The following ZNF395 variants were observed in gnomAD, a reference collection of about 807,000 sequenced individuals.
The protein encoded by ZNF395 is HD gene regulatory region-binding protein 2.
In ZNF395, 20 loss-of-function variants were observed where a neutral mutation model predicts 57.7. That is an observed-to-expected ratio of 0.35 (90% confidence interval 0.24 to 0.50). The LOEUF is 0.50. Among genes scored for constraint, ZNF395 ranks in the 20% least tolerant of loss-of-function variants. The probability of loss-of-function intolerance (pLI) is 0.97; values close to 1 mark genes in which losing one functional copy is unlikely to be tolerated. For missense variants in ZNF395, 606 were observed against 671.2 expected, an observed-to-expected ratio of 0.90 and a Z score of 1.07; for synonymous variants, 295 against 275.9, an observed-to-expected ratio of 1.07 and a Z score of -0.69.
chr8:28,350,193 C>T, intron 7 of ZNF395, 37 bp from the exon 8 acceptor site: 2 of 1,554,326 alleles, frequency 1.3e-6, no homozygotes, highest in East Asian at 2.3e-5. Flanking sequence ...GATTCTAGCT[C>T]AGGAAGTGTT....
At chr8:28,350,025 G>T in intron 8 of ZNF395, 39 bp downstream of exon 8, 1 of 1,527,940 alleles carries the variant, frequency 6.5e-7, no homozygotes. Flanking sequence ...GAGAGCCCTC[G>T]GCCATACGAG....
At position 28,359,316 on chromosome 8, in the gene ZNF395, C is replaced by T. The variant is rs527345329; in HGVS notation, c.473+276G>A. The stretch of plus-strand genomic sequence containing the variant: ...ACTCGGGAGGCTGAAGTGGAAGAAT[C>T]GCGTGAACACAGGAGGCAGAGGTTG... On this transcript the variant is annotated intron_variant, in intron 3 of 9. Transcript: ENST00000344423. The surrounding 1 kb of genome is among the most constrained non-coding windows in gnomAD (Gnocchi z 4.7). 2.0e-5 allele frequency among the ~76,000 whole-genome samples: 3 copies of T among 152,256 alleles called. No homozygotes were observed. The highest frequency in any genetic ancestry group is 2.9e-5 in the Non-Finnish European group (2 of 68,018).
rs1169886837 is a variant in ZNF395, at chr8:28,347,865, A to G, written c.*854T>C. The G allele has an allele frequency of 1.3e-5, 2 of 152,276 alleles. No homozygotes were observed. Among genetic ancestry groups the G allele is most frequent in the East Asian group, 3.8e-4 (2 of 5,200 alleles). The allele number at this position is 152,276 out of a possible 1,614,324, so 9.4% of individuals were successfully genotyped here. On this transcript the variant is annotated 3_prime_UTR_variant, in exon 10 of 10. Coordinates refer to ENST00000344423, the MANE Select transcript of ZNF395 (RefSeq NM_018660.3). Reference sequence around the variant, plus strand: ...TCAATAACCGGAGGAAGGCGGCGTCAGGAGGGTGCTTCCTCGGGTCAGAGC... The same window carrying G: ...TCAATAACCGGAGGAAGGCGGCGTCGGGAGGGTGCTTCCTCGGGTCAGAGC...
rs368552072 is a variant in ZNF395, at chr8:28,356,667, C to T, written c.583+3G>A. ...AGAACCCAGCTGGGCCCCGCTTGCT[C>T]ACCAGAGAAGTTGGCCTCGGTCCCG... On this transcript the variant is annotated splice_donor_region_variant and intron_variant, in intron 4 of 9. Transcript: ENST00000344423. The surrounding 1 kb of genome is among the most constrained non-coding windows in gnomAD (Gnocchi z 4.0). 1.4e-4 allele frequency: 231 copies of T among 1,613,242 alleles called. No homozygotes were observed. Among genetic ancestry groups the T allele is most frequent in the Non-Finnish European group, 1.9e-4 (222 of 1,179,500 alleles).
Position 28,356,647 on chromosome 8 carries a change from C to G in ZNF395, c.583+23G>C. On this transcript the variant is annotated intron_variant, in intron 4 of 9. Coordinates refer to ENST00000344423, the MANE Select transcript of ZNF395 (RefSeq NM_018660.3). This position sits in a 1 kb window ranked among gnomAD's most constrained non-coding sequence, Gnocchi z 4.0. ...CGTGGGCCTCTACCATGCCCAGAAC[C>G]CAGCTGGGCCCCGCTTGCTCACCAG... The G allele has an allele frequency of 1.9e-6, 3 of 1,595,906 alleles. No homozygotes were observed. The highest frequency in any genetic ancestry group is 2.6e-6 in the Non-Finnish European group (3 of 1,164,554).
In ZNF395 at chr8:28,346,627, A is replaced by G. The variant is rs764443933; in HGVS notation, c.*2092T>C. 6.6e-6 allele frequency: 1 copy of G among 152,240 alleles called. No individual in the cohort carries two copies. The highest frequency in any genetic ancestry group is 1.5e-5 in the Non-Finnish European group (1 of 68,088). 9.4% of individuals were successfully genotyped at this position (152,240 alleles called of 1,614,324 possible). ...AAGAGAAAAATCCGTATATCCAGTT[A>G]TATCTACACGGTCCAAACTGGGGGC... On this transcript the variant is annotated 3_prime_UTR_variant, in exon 10 of 10. Coordinates refer to ENST00000344423, the MANE Select transcript of ZNF395 (RefSeq NM_018660.3).
In ZNF395 at chr8:28,360,076, G is replaced by A. The variant is rs566258299; in HGVS notation, c.241-252C>T. 2.0e-5 allele frequency among the ~76,000 whole-genome samples: 3 copies of A among 152,286 alleles called. No individual in the cohort carries two copies. In the South Asian group the frequency reaches 6.2e-4, roughly 32 times the overall value. On this transcript the variant is annotated intron_variant, in intron 2 of 9. Coordinates refer to ENST00000344423, the MANE Select transcript of ZNF395 (RefSeq NM_018660.3). ...CAGACAGCAAACATGTCAGTTTCTG[G>A]GACTTTCTCTGAATCTAGAATCTGT...
chr8:28,381,765 C>G (rs1277226458), intron 1 of ZNF395, among the ~76,000 whole-genome samples: 1 of 152,192 alleles, frequency 6.6e-6, no homozygotes, highest in African/African-American at 2.4e-5. Context: ...CTCGACATCA[C>G]TCTCAGAGAT....
chr8:28,368,032 G>A (rs1018443430), intron 1 of ZNF395, among the ~76,000 whole-genome samples: 2 of 152,196 alleles, frequency 1.3e-5, no homozygotes, highest in Admixed American at 6.5e-5. Flanking sequence ...TGCATGGGGC[G>A]CTGGGGCGTG....
In ZNF395 at chr8:28,378,490, C is replaced by T. The variant is rs1040808778; in HGVS notation, c.-59+7903G>A. 4.6e-5 allele frequency among the ~76,000 whole-genome samples: 7 copies of T among 152,222 alleles called. 1 individual carries two copies. Among genetic ancestry groups the T allele is most frequent in the African/African-American group, 1.7e-4 (7 of 41,456 alleles). On this transcript the variant is annotated intron_variant, in intron 1 of 9. Transcript: ENST00000344423. ...TCCTGGGCTCAAGCAATCCACCCACCTCAGTCTCTCAAAGTGCTGAGATTA... is the reference window on the plus strand; with the variant it reads ...TCCTGGGCTCAAGCAATCCACCCACTTCAGTCTCTCAAAGTGCTGAGATTA...
chr8:28,366,536 A>ATGTTTGCAGTGAC (rs1169865803), intron 1 of ZNF395, among the ~76,000 whole-genome samples: 20 of 151,128 alleles, frequency 1.3e-4, no homozygotes, highest in African/African-American at 4.8e-4. Context: ...TTTGCAGTGA[A>ATGTTTGCAGTGAC]TGTTTGCATC....
At chr8:28,355,918 A>G (rs1332756933) in intron 4 of ZNF395, among the ~76,000 whole-genome samples, 2 of 152,104 alleles carry the variant, frequency 1.3e-5, no homozygotes, top group Admixed American at 1.3e-4. Flanking sequence ...CTAACTCCAT[A>G]TTTTCCTGTA....
rs563006252 is a variant in ZNF395 at position 28,363,613 on chromosome 8, A to C, written c.-58-2431T>G. Reference sequence around the variant, plus strand: ...TCAACCCAGAGAAAGAAACTGCACCACTTTTCTTGGCCAAAAAACAAAACA... The same window carrying C: ...TCAACCCAGAGAAAGAAACTGCACCCCTTTTCTTGGCCAAAAAACAAAACA... On this transcript the variant is annotated intron_variant, in intron 1 of 9. Coordinates refer to ENST00000344423, the MANE Select transcript of ZNF395 (RefSeq NM_018660.3). 5.3e-5 allele frequency among the ~76,000 whole-genome samples: 8 copies of C among 152,194 alleles called. No individual in the cohort carries two copies. In the South Asian group the frequency reaches 1.5e-3, roughly 28 times the overall value.
chr8:28,362,406 G>A (rs915569067), intron 1 of ZNF395, among the ~76,000 whole-genome samples: 4 of 152,122 alleles, frequency 2.6e-5, no homozygotes, highest in African/African-American at 7.2e-5. Context: ...CCTACTATTC[G>A]CTCATTTGCT....
At chr8:28,384,996 G>A (rs1040442199) in intron 1 of ZNF395, 1 of 152,352 alleles carries the variant, frequency 6.6e-6, no homozygotes, top group Non-Finnish European at 1.5e-5. Context: ...CCTGTGTTTC[G>A]AGGTGTTTGC....
chr8:28,348,200 A>AC lies in ZNF395; in HGVS notation c.*518dup, dbSNP rs1458745133. 6.8e-6 allele frequency: 1 copy of AC among 146,104 alleles called. No individual in the cohort carries two copies. Among genetic ancestry groups the AC allele is most frequent in the Non-Finnish European group, 1.5e-5 (1 of 67,280 alleles). The allele number at this position is 146,104 out of a possible 1,614,324, so 9.1% of individuals were successfully genotyped here. A position where few individuals can be genotyped will look rare whatever the true frequency, so the allele number is the denominator to read the frequency against. Reference sequence around the variant, plus strand: ...AGGAGGTACCCTCCGAGAAGGGCAAACCCCTCTGCCCCACGGCCAGGCAGT... The same window carrying AC: ...AGGAGGTACCCTCCGAGAAGGGCAAACCCCCTCTGCCCCACGGCCAGGCAGT... On this transcript the variant is annotated 3_prime_UTR_variant, in exon 10 of 10. Coordinates refer to ENST00000344423, the MANE Select transcript of ZNF395 (RefSeq NM_018660.3).
chr8:28,381,198 C>T (rs978871903), intron 1 of ZNF395, among the ~76,000 whole-genome samples: 1 of 152,190 alleles, frequency 6.6e-6, no homozygotes, highest in Non-Finnish European at 1.5e-5. Flanking sequence ...CCCACCACCA[C>T]GCCCGGCTAA....
rs351780 is a variant in ZNF395 at position 28,346,420 on chromosome 8, G to T, written c.*2299C>A. On this transcript the variant is annotated 3_prime_UTR_variant, in exon 10 of 10. Coordinates refer to ENST00000344423, the MANE Select transcript of ZNF395 (RefSeq NM_018660.3). ...CACGACAGGCACGGGATGGCAGCAC[G>T]GGTGGAAGGGAGGCAAGGAGGCCGC... 118,632 of 152,116 alleles carry T rather than the reference G, an allele frequency of 0.78. 47,946 individuals carry two copies. Among genetic ancestry groups the T allele is most frequent in the Middle Eastern group, 0.92 (275 of 298 alleles). The allele number at this position is 152,116 out of a possible 1,614,324, so 9.4% of individuals were successfully genotyped here.
At chr8:28,378,652 C>T (rs986738373) in intron 1 of ZNF395, among the ~76,000 whole-genome samples, 1 of 152,208 alleles carries the variant, frequency 6.6e-6, no homozygotes, top group Non-Finnish European at 1.5e-5. Context: ...ATGATATTGA[C>T]TCAAATACTT....
Sources: allele counts gnomAD v4.1 joint callset (sites outside exome capture counted in the v4.1 genomes callset), GRCh38; gene constraint gnomAD v4.1.1; non-coding constraint Gnocchi (gnomAD v3.1); transcripts MANE v1.5; gene names NCBI Gene and HGNC (gene_info 2026-07-23, HGNC 2026-07-21).